ADGRB3: variants seen among roughly 807,000 people sequenced by gnomAD.
ADGRB3 encodes brain-specific angiogenesis inhibitor 3.
A neutral mutation model predicts 193.4 loss-of-function variants in ADGRB3; 37 were observed. The ratio of observed to expected loss-of-function variants is 0.19; its 90% CI spans 0.15 to 0.25. The LOEUF (loss-of-function observed/expected upper bound fraction) is 0.25, where lower values mean the gene tolerates loss of function less well. Among genes scored for constraint, ADGRB3 ranks in the 10% least tolerant of loss-of-function variants. The pLI is 1.00. For missense variants in ADGRB3, 1,637 were observed against 1,852.9 expected, an observed-to-expected ratio of 0.88 and a Z score of 2.14; for synonymous variants, 690 against 644.2, an observed-to-expected ratio of 1.07 and a Z score of -1.08.
intron 3 of ADGRB3, among the ~76,000 whole-genome samples, chr6:68,683,609 A>G (rs1343063508): frequency 6.6e-6 from 1 of 152,136 alleles, no homozygotes; most frequent in African/African-American, 2.4e-5. Context: ...TATGAAGAAT[A>G]TTTGATGGGC....
At chr6:69,215,680 C>T (rs1406244217) in intron 17 of ADGRB3, among the ~76,000 whole-genome samples, 6 of 151,884 alleles carry the variant, frequency 4.0e-5, no homozygotes, top group Non-Finnish European at 5.9e-5. Context: ...TCAAAGACTT[C>T]GGGGACAGGT....
Position 69,049,336 on chromosome 6 carries a change from C to T in ADGRB3, c.2323C>T (p.Pro775Ser), listed in dbSNP as rs866124184. Residue 775 changes from proline (P) to serine (S), a missense_variant, in exon 15 of 32, where the codon CCC becomes TCC. By Grantham distance (74) the Pro-to-Ser change is moderately conservative (BLOSUM62 -1). Transcript: ENST00000370598. The part of the protein sequence containing the change: ...VLYKNLDLIL[P>S]TLRNYTVINS... ...ATACAAAAACTTAGATCTAATTTTG[C>T]CCACTTTGAGGTAAGCTACAAAGTA... is the stretch of plus-strand genomic sequence containing the variant. The T allele has an allele frequency of 1.9e-6, 3 of 1,605,166 alleles. No homozygotes were observed. The highest frequency in any genetic ancestry group is 2.6e-6 in the Non-Finnish European group (3 of 1,174,334).
At chr6:68,668,957 C>A (rs1768870463) in intron 3 of ADGRB3, among the ~76,000 whole-genome samples, 1 of 151,898 alleles carries the variant, frequency 6.6e-6, no homozygotes, top group Non-Finnish European at 1.5e-5. Flanking sequence ...ATATTTCTTC[C>A]TGTGGTCTGG....
intron 13 of ADGRB3, among the ~76,000 whole-genome samples, chr6:69,026,674 G>A (rs1268837165): frequency 2.0e-5 from 3 of 152,104 alleles, no homozygotes; most frequent in Non-Finnish European, 2.9e-5. Flanking sequence ...AAACCTAGAT[G>A]GTATAGCCTA....
chr6:68,769,037 CAA>C (rs2127355062), intron 3 of ADGRB3, among the ~76,000 whole-genome samples: 1 of 152,204 alleles, frequency 6.6e-6, no homozygotes, highest in East Asian at 1.9e-4. Flanking sequence ...AGTCAGGAAA[CAA>C]GAGATGCTGG....
intron 16 of ADGRB3, among the ~76,000 whole-genome samples, chr6:69,063,616 G>GA (rs1771814773): frequency 6.6e-6 from 1 of 151,902 alleles, no homozygotes. Context: ...GGAGTGGGTA[G>GA]CGTGTAGAAA....
chr6:68,767,979 C>A lies in ADGRB3; in HGVS notation c.757+128547C>A, dbSNP rs544561962. ...ATAAAATGCCTAGGAATAAAACTTA[C>A]AAGGGATGTGAAGGACCTCTTCAAT... On this transcript the variant is annotated intron_variant, in intron 3 of 31. Coordinates refer to ENST00000370598, the MANE Select transcript of ADGRB3 (RefSeq NM_001704.3). 2.0e-5 allele frequency among the ~76,000 whole-genome samples: 3 copies of A among 152,226 alleles called. No individual in the cohort carries two copies. In the South Asian group the frequency reaches 6.2e-4, roughly 32 times the overall value.
chr6:68,974,625 A>AC (rs1309403121), intron 8 of ADGRB3, 138 bp from the exon 9 acceptor site: 11 of 615,120 alleles, frequency 1.8e-5, no homozygotes, highest in Non-Finnish European at 3.1e-5. Flanking sequence ...ACAGAGTGAG[A>AC]CCCCATCTCT....
At chr6:68,674,926 T>C (rs1258298892) in intron 3 of ADGRB3, among the ~76,000 whole-genome samples, 1 of 152,194 alleles carries the variant, frequency 6.6e-6, no homozygotes, top group African/African-American at 2.4e-5. Flanking sequence ...AGGTTCTACC[T>C]GGAGTATAGG....
At chr6:69,063,697 T>C (rs1771817472) in intron 16 of ADGRB3, among the ~76,000 whole-genome samples, 1 of 152,010 alleles carries the variant, frequency 6.6e-6, no homozygotes, top group South Asian at 2.1e-4. Flanking sequence ...TCAAAATCTT[T>C]CATCTCAGAA....
intron 3 of ADGRB3, among the ~76,000 whole-genome samples, chr6:68,868,079 G>A (rs550486649): frequency 3.4e-4 from 52 of 152,280 alleles, no homozygotes; most frequent in Non-Finnish European, 5.7e-4. Context: ...CATGAGATTT[G>A]AGAGGTACTA....
At chr6:68,667,221 CA>C (rs1768823479) in intron 3 of ADGRB3, among the ~76,000 whole-genome samples, 1 of 151,812 alleles carries the variant, frequency 6.6e-6, no homozygotes, top group South Asian at 2.1e-4. Context: ...TGATTAGAAA[CA>C]CTCCCATTAC....
intron 20 of ADGRB3, among the ~76,000 whole-genome samples, chr6:69,242,865 T>G (rs1766414147): frequency 6.6e-6 from 1 of 152,010 alleles, no homozygotes; most frequent in Non-Finnish European, 1.5e-5. Context: ...TATTTATTTG[T>G]AAAGCATTTC....
chr6:68,816,176 T>C (rs1306289488), intron 3 of ADGRB3, among the ~76,000 whole-genome samples: 1 of 152,066 alleles, frequency 6.6e-6, no homozygotes, highest in Admixed American at 6.6e-5. Context: ...TACGTTTACT[T>C]TGAATAATTA....
chr6:69,166,999 A>G (rs913234074), intron 17 of ADGRB3, among the ~76,000 whole-genome samples: 3 of 152,082 alleles, frequency 2.0e-5, no homozygotes, highest in Non-Finnish European at 2.9e-5. Flanking sequence ...ATCTGATGAC[A>G]TTTTGTTCCT....
chr6:69,165,445 G>A (rs529862387), intron 17 of ADGRB3, among the ~76,000 whole-genome samples: 1 of 150,576 alleles, frequency 6.6e-6, no homozygotes, highest in East Asian at 2.0e-4. Flanking sequence ...ACAATTGTTT[G>A]GTTTACTTCC....
At chr6:69,214,111 T>C (rs1582550778) in intron 17 of ADGRB3, among the ~76,000 whole-genome samples, 1 of 152,256 alleles carries the variant, frequency 6.6e-6, no homozygotes, top group Admixed American at 6.5e-5. Flanking sequence ...GTATTTGACC[T>C]GAACTGGAGA....
At chr6:68,914,399 A>C (rs1429316224) in intron 3 of ADGRB3, among the ~76,000 whole-genome samples, 2 of 152,160 alleles carry the variant, frequency 1.3e-5, no homozygotes, top group Non-Finnish European at 1.5e-5. Context: ...CAACATTCTT[A>C]AAGAAAAGAA....
At chr6:69,133,640 A>C (rs9363986) in intron 17 of ADGRB3, among the ~76,000 whole-genome samples, 115,865 of 151,684 alleles carry the variant, frequency 0.76, 45,720 homozygotes, top group East Asian at 1. Flanking sequence ...CATCCTGATA[A>C]CGAAACCCGG....
Sources: allele counts gnomAD v4.1 joint callset (sites outside exome capture counted in the v4.1 genomes callset), GRCh38; gene constraint gnomAD v4.1.1; transcripts MANE v1.5; gene names NCBI Gene and HGNC (gene_info 2026-07-23, HGNC 2026-07-21).